SYN3: variants seen among roughly 807,000 people sequenced by gnomAD.
SYN3 encodes synapsin-3.
A neutral mutation model predicts 65.8 loss-of-function variants in SYN3; 35 were observed. The ratio of observed to expected loss-of-function variants is 0.53; its 90% confidence interval spans 0.41 to 0.70. The LOEUF (loss-of-function observed/expected upper bound fraction) is 0.70, where lower values mean the gene tolerates loss of function less well. SYN3 is among the 30% of genes least tolerant of loss of function. SYN3 has a pLI of 0.00. For synonymous variants in SYN3, 270 were observed against 292.9 expected, an observed-to-expected ratio of 0.92 and a Z score of 0.80; for missense variants, 680 against 749.0, an observed-to-expected ratio of 0.91 and a Z score of 1.08.
At chr22:32,684,993 C>T (rs930114977) in intron 6 of SYN3, among the ~76,000 whole-genome samples, 2 of 152,168 alleles carry the variant, frequency 1.3e-5, no homozygotes, top group Non-Finnish European at 1.5e-5. Context: ...GGTCCACTGC[C>T]TCTTTTTTTA....
chr22:32,825,717 GCT>G (rs1214426254), intron 6 of SYN3, among the ~76,000 whole-genome samples: 1 of 127,040 alleles, frequency 7.9e-6, no homozygotes, highest in African/African-American at 2.9e-5. Context: ...ATGTGTGTAT[GCT>G]TATATATATA....
At position 32,857,872 on chromosome 22, in the gene SYN3, T is replaced by C. The variant is rs541111309; in HGVS notation, c.711+7043A>G. On this transcript the variant is annotated intron_variant, in intron 6 of 13. Transcript: ENST00000358763. ...GGGCTACAGTCCATTTTAAAAGGTG[T>C]TGGGTAGGGTGAAATAAAATCATGG... The C allele has an allele frequency of 7.5e-5, 92 of 1,221,336 alleles. No homozygotes were observed. The African/African-American group carries it at 1.0e-3, about 14-fold the overall frequency. The allele number at this position is 1,221,336 out of a possible 1,614,324, so 75.7% of individuals were successfully genotyped here.
At chr22:32,839,081 CAGGG>C (rs1235333839) in intron 6 of SYN3, among the ~76,000 whole-genome samples, 2 of 151,744 alleles carry the variant, frequency 1.3e-5, no homozygotes, top group Non-Finnish European at 2.9e-5. Context: ...GGCAGATGCA[CAGGG>C]AGGAAGTGAT....
chr22:32,943,533 G>C (rs1166022270), intron 3 of SYN3, among the ~76,000 whole-genome samples: 1 of 152,088 alleles, frequency 6.6e-6, no homozygotes, highest in African/African-American at 2.4e-5. Flanking sequence ...GAAGAAACTG[G>C]ATCAACTAAC....
At chr22:32,582,700 G>C (rs1485485083) in intron 7 of SYN3, among the ~76,000 whole-genome samples, 1 of 152,050 alleles carries the variant, frequency 6.6e-6, no homozygotes, top group Non-Finnish European at 1.5e-5. Context: ...GCATTTTTAA[G>C]GGGCTCCCAG....
chr22:32,827,289 T>C (rs2047440600), intron 6 of SYN3, among the ~76,000 whole-genome samples: 1 of 152,212 alleles, frequency 6.6e-6, no homozygotes, highest in African/African-American at 2.4e-5. Context: ...GCGTGGCCTA[T>C]AGCAAAGCTC....
chr22:32,559,557 G>C (rs35040194), intron 7 of SYN3, among the ~76,000 whole-genome samples: 1 of 152,106 alleles, frequency 6.6e-6, no homozygotes, highest in African/African-American at 2.4e-5. Flanking sequence ...GGCCGGGCGC[G>C]GTGGCTCACG....
At chr22:32,514,001 C>T (rs893305648) in intron 13 of SYN3, among the ~76,000 whole-genome samples, 177 bp from the exon 14 acceptor site, 1 of 152,164 alleles carries the variant, frequency 6.6e-6, no homozygotes, top group African/African-American at 2.4e-5. Flanking sequence ...ACATAATTTG[C>T]AAGGTGGTTA....
rs570007028 is a variant in SYN3, at chr22:32,570,522, G to C, written c.774+26152C>G. On this transcript the variant is annotated intron_variant, in intron 7 of 13. Coordinates refer to ENST00000358763, the MANE Select transcript of SYN3 (RefSeq NM_003490.4). ...TGAAGCTGTGCATGTTTCTCTCCCA[G>C]GTAGATCTGGGAGTAGGGAAAGGGG... 2.0e-5 allele frequency among the ~76,000 whole-genome samples: 3 copies of C among 151,790 alleles called. No individual in the cohort carries two copies. In the East Asian group the frequency reaches 5.8e-4, roughly 29 times the overall value.
chr22:33,056,669 T>C (rs527820518), intron 1 of SYN3, among the ~76,000 whole-genome samples: 51 of 152,330 alleles, frequency 3.3e-4, no homozygotes, highest in African/African-American at 1.2e-3. Flanking sequence ...CGCCAAGTCT[T>C]TTTCCAGGGA....
At chr22:32,944,304 C>A (rs1052045470) in intron 3 of SYN3, among the ~76,000 whole-genome samples, 2 of 152,086 alleles carry the variant, frequency 1.3e-5, no homozygotes, top group African/African-American at 4.8e-5. Flanking sequence ...CACTCAAAAC[C>A]GCTCAACTAC....
At chr22:32,523,249 A>G in intron 12 of SYN3, among the ~76,000 whole-genome samples, 1 of 152,232 alleles carries the variant, frequency 6.6e-6, no homozygotes, top group East Asian at 1.9e-4. Context: ...GTGGTGGCTC[A>G]TGCCTGTAAT....
chr22:32,533,884 C>T lies in SYN3; in HGVS notation c.1004G>A (p.Trp335Ter). 1 of 1,613,418 alleles carries T rather than the reference C, an allele frequency of 6.2e-7. No homozygotes were observed. Among genetic ancestry groups the T allele is most frequent in the Non-Finnish European group, 8.5e-7 (1 of 1,179,582 alleles). The change falls in exon 10 of 14, where the codon TGG (tryptophan) becomes TAG (stop). Residue 335 changes from tryptophan (W) to a stop codon, truncating the protein, a stop_gained. Transcript: ENST00000358763. LOFTEE classifies it high-confidence loss of function. ...QVAMTERYRL[W>*]VDSCSEMFGG... ...AAACATTTCCGAGCAGCTGTCCACC[C>T]ACAGCCTGTACCTGCAGGGACAGAT...
At position 32,513,687 on chromosome 22, in the gene SYN3, T is replaced by C. The variant is rs201716838; in HGVS notation, c.*5A>G. ...AGCACTCTTCCCCTCCCAGCCTGGA[T>C]GGCGTTAGTCAGAGAACAGGCTGGC... On this transcript the variant is annotated 3_prime_UTR_variant, in exon 14 of 14. Transcript: ENST00000358763. 1.0e-3 allele frequency: 1,644 copies of C among 1,613,810 alleles called. 1 individual carries two copies. The highest frequency in any genetic ancestry group is 1.3e-3 in the Non-Finnish European group (1,523 of 1,179,920).
chr22:32,807,399 A>ATATTATATATTATATATT (rs130273), intron 6 of SYN3, among the ~76,000 whole-genome samples: 1 of 118,362 alleles, frequency 8.4e-6, no homozygotes, highest in Non-Finnish European at 1.7e-5. Context: ...TATATAATAT[A>ATATTATATATTATATATT]TATATATTAT....
chr22:33,028,811 C>T (rs1267255181), intron 1 of SYN3, among the ~76,000 whole-genome samples: 5 of 151,940 alleles, frequency 3.3e-5, no homozygotes, highest in African/African-American at 1.2e-4. Flanking sequence ...GAGGCCAAGG[C>T]GGGTGGATCA....
intron 1 of SYN3, among the ~76,000 whole-genome samples, chr22:33,036,959 G>A (rs898447404): frequency 2.6e-5 from 4 of 152,080 alleles, no homozygotes; most frequent in Admixed American, 2.6e-4. Flanking sequence ...CCAAAGTGCT[G>A]GGATTATAGG....
chr22:33,041,125 G>C (rs1454583005), intron 1 of SYN3, among the ~76,000 whole-genome samples: 1 of 151,820 alleles, frequency 6.6e-6, no homozygotes, highest in African/African-American at 2.4e-5. Context: ...CACCATGTTG[G>C]CCAGGATGGT....
chr22:32,548,857 C>T (rs549099362), intron 7 of SYN3, among the ~76,000 whole-genome samples: 39 of 152,158 alleles, frequency 2.6e-4, no homozygotes, highest in Non-Finnish European at 4.6e-4. Flanking sequence ...TTTATTGCAG[C>T]ACTACGTGTA....
Sources: allele counts gnomAD v4.1 joint callset (sites outside exome capture counted in the v4.1 genomes callset), GRCh38; gene constraint gnomAD v4.1.1; transcripts MANE v1.5; gene names NCBI Gene and HGNC (gene_info 2026-07-23, HGNC 2026-07-21).